Variants in SPRR4 observed in about 807,000 individuals in gnomAD.
SPRR4 encodes the protein small proline-rich protein 4.
For missense variants in SPRR4, 106 were observed against 91.6 expected, an observed-to-expected ratio of 1.16 and a Z score of -0.64; for synonymous variants, 30 against 34.3, an observed-to-expected ratio of 0.87 and a Z score of 0.44.
At position 152,970,989 on chromosome 1, in the gene SPRR4, C is replaced by T. The variant is rs112673717; in HGVS notation, c.-21+295C>T. ...GAGCTACAGGATTTTGTAGCAATTCCGAGCCCTGTTTAAAGGTTTCTCACA... is the reference window on the plus strand; with the variant it reads ...GAGCTACAGGATTTTGTAGCAATTCTGAGCCCTGTTTAAAGGTTTCTCACA... On this transcript the variant is annotated intron_variant, in intron 1 of 1. Coordinates refer to ENST00000328051, the MANE Select transcript of SPRR4 (RefSeq NM_173080.3). 2.7e-3 allele frequency among the ~76,000 whole-genome samples: 407 copies of T among 152,274 alleles called. 2 individuals are homozygous for T. Among genetic ancestry groups the T allele is most frequent in the African/African-American group, 9.2e-3 (382 of 41,550 alleles).
At chr1:152,969,620 G>A (rs565547853), upstream of SPRR4, among the ~76,000 whole-genome samples, 1 of 152,134 alleles carries the variant, frequency 6.6e-6, no homozygotes, top group South Asian at 2.1e-4. Flanking sequence ...GGAGGACCAG[G>A]GCTCCTTCCT....
intron 1 of SPRR4, among the ~76,000 whole-genome samples, chr1:152,971,608 A>T (rs1054454334): frequency 3.7e-4 from 56 of 149,460 alleles, no homozygotes; most frequent in Non-Finnish European, 5.7e-4. Context: ...ACACACACAC[A>T]CACACTCACA....
Position 152,971,942 on chromosome 1 carries a change from G to GCCC in SPRR4, c.53_55dup (p.Ala18_Gln19insPro). On this transcript the variant is annotated inframe_insertion, in exon 2 of 2. Transcript: ENST00000328051. ...GCAGCAGCAGTGCCCACCCCAGAGG[G>GCCC]CCCAGCAGCAGCAAGTGAAGCAGCC... 1 of 1,613,810 alleles carries GCCC rather than the reference G, an allele frequency of 6.2e-7. No homozygotes were observed.
chr1:152,971,063 G>C (rs1651829179), intron 1 of SPRR4, among the ~76,000 whole-genome samples: 2 of 152,058 alleles, frequency 1.3e-5, no homozygotes, highest in Admixed American at 6.5e-5. Context: ...TTTCTTCCAG[G>C]TGTATGCAAA....
upstream of SPRR4, among the ~76,000 whole-genome samples, chr1:152,969,994 G>A (rs552055980): frequency 2.6e-5 from 4 of 152,266 alleles, no homozygotes; most frequent in South Asian, 2.1e-4. Context: ...AGAACACTTC[G>A]TGAACTGTCC....
rs1651882862 is a variant in SPRR4, at chr1:152,972,469, G to A, written c.*339G>A. On this transcript the variant is annotated 3_prime_UTR_variant, in exon 2 of 2. Coordinates refer to ENST00000328051, the MANE Select transcript of SPRR4 (RefSeq NM_173080.3). ...CTGGGGTTCCACCCTGACAAGTAGGGTCACAGAGGCTGGTGCACAGTTTCT... is the reference window on the plus strand; with the variant it reads ...CTGGGGTTCCACCCTGACAAGTAGGATCACAGAGGCTGGTGCACAGTTTCT... 3.0e-6 allele frequency: 1 copy of A among 329,798 alleles called. No homozygotes were observed. Among genetic ancestry groups the A allele is most frequent in the East Asian group, 7.1e-5 (1 of 14,100 alleles). 20.4% of individuals were successfully genotyped at this position (329,798 alleles called of 1,614,324 possible).
At position 152,972,171 on chromosome 1, in the gene SPRR4, C is replaced by G. The variant is rs1326416387; in HGVS notation, c.*41C>G. On this transcript the variant is annotated 3_prime_UTR_variant, in exon 2 of 2. Coordinates refer to ENST00000328051, the MANE Select transcript of SPRR4 (RefSeq NM_173080.3). Reference sequence around the variant, plus strand: ...TACCATCATCCACCATCCTGGCTACCAGATGGAACCTTCTCTTCTTCCTTC... The same window carrying G: ...TACCATCATCCACCATCCTGGCTACGAGATGGAACCTTCTCTTCTTCCTTC... 3 of 1,611,600 alleles carry G rather than the reference C, an allele frequency of 1.9e-6. No homozygotes were observed.
intron 1 of SPRR4, among the ~76,000 whole-genome samples, chr1:152,971,607 C>G (rs1057499517): frequency 1.2e-4 from 18 of 151,262 alleles, no homozygotes; most frequent in Non-Finnish European, 2.2e-4. Flanking sequence ...CACACACACA[C>G]ACACACTCAC....
upstream of SPRR4, among the ~76,000 whole-genome samples, chr1:152,970,127 A>C (rs973815536): frequency 5.9e-5 from 9 of 152,176 alleles, no homozygotes; most frequent in Non-Finnish European, 1.2e-4. Context: ...AATCTTTCTC[A>C]GCCTCACTTT....
rs201467894 is a variant in SPRR4, at chr1:152,971,859, G to C, written c.-20-12G>C. The C allele has an allele frequency of 1.2e-6, 2 of 1,611,828 alleles. No individual in the cohort carries two copies. The highest frequency in any genetic ancestry group is 1.7e-6 in the Non-Finnish European group (2 of 1,178,542). ...CACCCTTCTCATGGTGTCCCTGCCC[G>C]GTTTCCTTTAGGCTCACCTGTTCCT... On this transcript the variant is annotated splice_polypyrimidine_tract_variant and intron_variant, in intron 1 of 1. Transcript: ENST00000328051.
upstream of SPRR4, among the ~76,000 whole-genome samples, chr1:152,968,861 G>T (rs565412035): frequency 1.1e-4 from 17 of 152,340 alleles, no homozygotes; most frequent in African/African-American, 4.1e-4. Flanking sequence ...TGCCTTCAAG[G>T]CACCAGGTAT....
At position 152,972,364 on chromosome 1, in the gene SPRR4, C is replaced by T; in HGVS notation, c.*234C>T. ...CTCTCCCAGGTGGGTGTGAGAGAGACCTCATTCTCTGCAGGCTCCAGCGTG... is the reference window on the plus strand; with the variant it reads ...CTCTCCCAGGTGGGTGTGAGAGAGATCTCATTCTCTGCAGGCTCCAGCGTG... On this transcript the variant is annotated 3_prime_UTR_variant, in exon 2 of 2. Transcript: ENST00000328051. The T allele has an allele frequency of 1.6e-6, 1 of 636,708 alleles. No individual in the cohort carries two copies. The highest frequency in any genetic ancestry group is 1.8e-5 in the African/African-American group (1 of 54,180). 39.4% of individuals were successfully genotyped at this position (636,708 alleles called of 1,614,324 possible). A position where few individuals can be genotyped will look rare whatever the true frequency, so the allele number is the denominator to read the frequency against.
chr1:152,971,617 C>T (rs907343116), intron 1 of SPRR4, among the ~76,000 whole-genome samples: 1 of 151,684 alleles, frequency 6.6e-6, no homozygotes, highest in East Asian at 1.9e-4. Flanking sequence ...CACACACTCA[C>T]ACACACACCA....
Position 152,971,991 on chromosome 1 carries a change from G to A in SPRR4, c.101G>A (p.Cys34Tyr), listed in dbSNP as rs1186833861. 1 of 1,614,044 alleles carries A rather than the reference G, an allele frequency of 6.2e-7. No individual in the cohort carries two copies. Among genetic ancestry groups the A allele is most frequent in the South Asian group, 1.1e-5 (1 of 91,064 alleles). The change falls in exon 2 of 2, where the codon TGT becomes TAT. Residue 34 changes from cysteine (C) to tyrosine (Y), a missense_variant. Cys to Tyr is a radical substitution (Grantham distance 194, BLOSUM62 -2). Coordinates refer to ENST00000328051, the MANE Select transcript of SPRR4 (RefSeq NM_173080.3). ...CCTTGTCAGCCACCCCCTGTTAAAT[G>A]TCAAGAGACATGTGCACCCAAAACC... ...KQPCQPPPVKCQETCAPKTKD... is the reference protein window; with the variant it reads ...KQPCQPPPVKYQETCAPKTKD...
At chr1:152,969,371 A>C (rs1242568428), upstream of SPRR4, among the ~76,000 whole-genome samples, 1 of 152,148 alleles carries the variant, frequency 6.6e-6, no homozygotes, top group Non-Finnish European at 1.5e-5. Context: ...TTGTCAGTAA[A>C]ATTGTCATGA....
At chr1:152,969,251 C>A (rs576694377), upstream of SPRR4, among the ~76,000 whole-genome samples, 17 of 152,250 alleles carry the variant, frequency 1.1e-4, no homozygotes, top group South Asian at 3.1e-3. Flanking sequence ...ATGCTGACTG[C>A]GGTGATGGAG....
chr1:152,968,941 C>T (rs1651753820), upstream of SPRR4, among the ~76,000 whole-genome samples: 1 of 152,162 alleles, frequency 6.6e-6, no homozygotes, highest in Admixed American at 6.5e-5. Context: ...GAGTTCATAT[C>T]AGCAAGAGCA....
In SPRR4 at chr1:152,972,193, C is replaced by T; in HGVS notation, c.*63C>T. The stretch of plus-strand genomic sequence containing the variant: ...TACCAGATGGAACCTTCTCTTCTTC[C>T]TTCTCCTCTTCCCTCCAGCTCTTGA... On this transcript the variant is annotated 3_prime_UTR_variant, in exon 2 of 2. Coordinates refer to ENST00000328051, the MANE Select transcript of SPRR4 (RefSeq NM_173080.3). The T allele has an allele frequency of 6.3e-7, 1 of 1,597,998 alleles. No individual in the cohort carries two copies. Among genetic ancestry groups the T allele is most frequent in the East Asian group, 2.3e-5 (1 of 44,394 alleles).
upstream of SPRR4, among the ~76,000 whole-genome samples, chr1:152,969,361 T>C (rs60644584): frequency 0.11 from 17,340 of 152,200 alleles, 3,023 homozygotes; most frequent in African/African-American, 0.38. Context: ...CCTCTTTAAA[T>C]TGTCAGTAAA....
Sources: gnomAD v4.1 joint callset for allele counts (sites outside exome capture counted in the v4.1 genomes callset) on GRCh38, gnomAD v4.1.1 for gene constraint, MANE v1.5 for transcripts, NCBI Gene and HGNC (gene_info 2026-07-23, HGNC 2026-07-21) for gene names.